CYP51A1: variants seen among roughly 807,000 people sequenced by gnomAD.
CYP51A1 encodes lanosterol 14-alpha demethylase.
In CYP51A1, 45 loss-of-function variants were observed where a neutral mutation model predicts 53.5. The observed-to-expected ratio is 0.84, with a 90% CI of 0.66 to 1.08. The LOEUF (loss-of-function observed/expected upper bound fraction) is 1.08, where lower values mean the gene tolerates loss of function less well. CYP51A1 is among the 50% of genes least tolerant of loss of function. CYP51A1 has a pLI of 0.00. For missense variants in CYP51A1, 462 were observed against 621.7 expected, an observed-to-expected ratio of 0.74 and a Z score of 2.73; for synonymous variants, 181 against 217.7, an observed-to-expected ratio of 0.83 and a Z score of 1.48.
At chr7:92,125,750 C>A (rs1819785706) in intron 5 of CYP51A1, among the ~76,000 whole-genome samples, 3 of 152,178 alleles carry the variant, frequency 2.0e-5, no homozygotes. Context: ...AATCCTAACA[C>A]TTTGGGAGGC....
At position 92,129,045 on chromosome 7, in the gene CYP51A1, T is replaced by C; in HGVS notation, c.303A>G (p.Val101=). 6.2e-7 allele frequency: 1 copy of C among 1,609,862 alleles called. No homozygotes were observed. Among genetic ancestry groups the C allele is most frequent in the South Asian group, 1.1e-5 (1 of 90,458 alleles). ...LENAYEKYGP[V]FSFTMVGKTF... ...TCTTGCCTACCATGGTAAAACTAAA[T>C]ACAGGTCCATACTAAAAAGAGAAAA... The change falls in exon 3 of 10, where the codon GTA becomes GTG. Residue 101 remains valine (V), a synonymous_variant. Coordinates refer to ENST00000003100, the MANE Select transcript of CYP51A1 (RefSeq NM_000786.4).
chr7:92,129,062 A>G lies in CYP51A1; in HGVS notation c.292-6T>C, dbSNP rs747626359. 46 of 1,602,008 alleles carry G rather than the reference A, an allele frequency of 2.9e-5. No homozygotes were observed. The highest frequency in any genetic ancestry group is 1.7e-4 in the Middle Eastern group (1 of 6,028). Reference sequence around the variant, plus strand: ...AAACTAAATACAGGTCCATACTAAAAAGAGAAAAGTACATATAGTGATGTT... The same window carrying G: ...AAACTAAATACAGGTCCATACTAAAGAGAGAAAAGTACATATAGTGATGTT... On this transcript the variant is annotated splice_polypyrimidine_tract_variant and splice_region_variant and intron_variant, in intron 2 of 9. Transcript: ENST00000003100.
In CYP51A1 at chr7:92,134,196, G is replaced by T; in HGVS notation, c.169C>A (p.Leu57Met). 6.2e-7 allele frequency: 1 copy of T among 1,612,408 alleles called. No homozygotes were observed. ...ACCACCCCTGCGGGCAGCTGGACCA[G>T]GTGGCCGGCGGCCAGACGGATCAGG... is the stretch of plus-strand genomic sequence containing the variant. Reference protein sequence around the residue: ...VYLIRLAAGHLVQLPAGVKSP... With the variant: ...VYLIRLAAGHMVQLPAGVKSP... Residue 57 changes from leucine to methionine, a missense_variant, in exon 1 of 10, where the codon CTG (leucine) becomes ATG (methionine). Physicochemically the swap from Leu to Met is conservative, Grantham distance 15 (BLOSUM62 2). Transcript: ENST00000003100.
At position 92,113,840 on chromosome 7, in the gene CYP51A1, C is replaced by T. The variant is rs528934873; in HGVS notation, c.1355G>A (p.Arg452His). 3.5e-5 allele frequency: 55 copies of T among 1,576,656 alleles called. No individual in the cohort carries two copies. In the East Asian group the frequency reaches 3.6e-4, roughly 10 times the overall value. ...KFAYVPFGAG[R>H]HRCIGENFAY... is the part of the protein sequence containing the mutation. ...AAAATTTTCCCCAATACAACGATGA[C>T]GCCCTAAAAAAAAGAAAAAGTTATA... is the stretch of plus-strand genomic sequence containing the variant. Residue 452 changes from arginine (R) to histidine (H), a missense_variant, in exon 10 of 10, where the codon CGT becomes CAT. Transcript: ENST00000003100.
At chr7:92,133,127 G>C (rs765928344) in intron 1 of CYP51A1, among the ~76,000 whole-genome samples, 26 of 152,142 alleles carry the variant, frequency 1.7e-4, no homozygotes, top group Non-Finnish European at 3.4e-4. Flanking sequence ...TTGGTCAAAA[G>C]TTTGTACATT....
rs750224776 is a variant in CYP51A1, at chr7:92,127,606, A to C, written c.494T>G (p.Leu165Ter). 12 of 1,613,542 alleles carry C rather than the reference A, an allele frequency of 7.4e-6. No individual in the cohort carries two copies. Among genetic ancestry groups the C allele is most frequent in the Admixed American group, 1.7e-5 (1 of 59,950 alleles). The change falls in exon 4 of 10, where the codon TTA becomes TGA. Residue 165 changes from leucine (L) to a stop codon, truncating the protein, a stop_gained. Transcript: ENST00000003100. LOFTEE classifies it high-confidence loss of function. ...NPVFLEQKKM[L>*]KSGLNIAHFK... ...GTGGGCTATGTTAAGGCCACTTTTTAACATTTTCTTCTGCTCCAAGAAAAC... is the reference window on the plus strand; with the variant it reads ...GTGGGCTATGTTAAGGCCACTTTTTCACATTTTCTTCTGCTCCAAGAAAAC...
intron 1 of CYP51A1, among the ~76,000 whole-genome samples, chr7:92,133,830 C>G (rs1467088001): frequency 1.3e-5 from 2 of 152,218 alleles, no homozygotes; most frequent in African/African-American, 4.8e-5. Flanking sequence ...GCCACCGCCA[C>G]TAGGGGCACC....
chr7:92,112,219 A>G lies in CYP51A1; in HGVS notation c.*1446T>C, dbSNP rs1412798079. 2.0e-5 allele frequency: 3 copies of G among 152,236 alleles called. No homozygotes were observed. Among genetic ancestry groups the G allele is most frequent in the African/African-American group, 2.4e-5 (1 of 41,470 alleles). The allele number at this position is 152,236 out of a possible 1,614,324, so 9.4% of individuals were successfully genotyped here. A position where few individuals can be genotyped will look rare whatever the true frequency, so the allele number is the denominator to read the frequency against. On this transcript the variant is annotated 3_prime_UTR_variant, in exon 10 of 10. Coordinates refer to ENST00000003100, the MANE Select transcript of CYP51A1 (RefSeq NM_000786.4). ...TCTGCCTTCACAATTAGAGTTTAACATGAGTCTTCCAGTGTTTTAAAAAGA... is the reference window on the plus strand; with the variant it reads ...TCTGCCTTCACAATTAGAGTTTAACGTGAGTCTTCCAGTGTTTTAAAAAGA...
At chr7:92,134,575 G>T, upstream of CYP51A1, 2 of 553,080 alleles carry the variant, frequency 3.6e-6, no homozygotes, top group Non-Finnish European at 3.2e-6. Context: ...ATAACACTCT[G>T]TGAAGCCGTG....
At chr7:92,134,056 T>G (rs1819986155) in intron 1 of CYP51A1, 117 bp downstream of exon 1, 1 of 956,978 alleles carries the variant, frequency 1.0e-6, no homozygotes, top group Admixed American at 3.1e-5. Flanking sequence ...ATGGCCGCAG[T>G]CGCCCCCGCC....
chr7:92,121,165 C>T (rs910034819), intron 7 of CYP51A1, among the ~76,000 whole-genome samples: 1 of 151,776 alleles, frequency 6.6e-6, no homozygotes, highest in African/African-American at 2.4e-5. Context: ...TGGTGTGTAC[C>T]CAGCTACTTG....
In CYP51A1 at chr7:92,113,406, TC is replaced by T. The variant is rs1819508443; in HGVS notation, c.*258del. 1 of 374,498 alleles carries T rather than the reference TC, an allele frequency of 2.7e-6. No individual in the cohort carries two copies. The highest frequency in any genetic ancestry group is 4.7e-6 in the Non-Finnish European group (1 of 210,764). 23.2% of individuals were successfully genotyped at this position (374,498 alleles called of 1,614,324 possible). On this transcript the variant is annotated 3_prime_UTR_variant, in exon 10 of 10. Transcript: ENST00000003100. ...ATTTAGAATCTGCCAATTACCTAGATCCCCCCTCAACAATTGTTTCACCAAG... is the reference window on the plus strand; with the variant it reads ...ATTTAGAATCTGCCAATTACCTAGATCCCCCTCAACAATTGTTTCACCAAG...
In CYP51A1 at chr7:92,112,828, C is replaced by CA. The variant is rs879010642; in HGVS notation, c.*836dup. On this transcript the variant is annotated 3_prime_UTR_variant, in exon 10 of 10. Coordinates refer to ENST00000003100, the MANE Select transcript of CYP51A1 (RefSeq NM_000786.4). ...TGGGCAACAGAGCGAGACTCCATCT[C>CA]AAAAAAAAAAAAAAAAAAAGGAAGC... 0.015 allele frequency: 705 copies of CA among 46,198 alleles called. 3 individuals carry two copies. The highest frequency in any genetic ancestry group is 0.026 in the Middle Eastern group (2 of 76). The allele number at this position is 46,198 out of a possible 1,614,324, so 2.9% of individuals were successfully genotyped here.
chr7:92,122,186 C>A lies in CYP51A1; in HGVS notation c.1086+934G>T, dbSNP rs188899744. On this transcript the variant is annotated intron_variant, in intron 7 of 9. Transcript: ENST00000003100. Reference sequence around the variant, plus strand: ...ATGGAATATCTGAATAAACCTGTAACAAATAAATTGAATTAGTAAGTAAAG... The same window carrying A: ...ATGGAATATCTGAATAAACCTGTAAAAAATAAATTGAATTAGTAAGTAAAG... Among the ~76,000 whole-genome samples the A allele has an allele frequency of 3.7e-3, 550 of 148,678 alleles. 5 individuals are homozygous for A. Among genetic ancestry groups the A allele is most frequent in the African/African-American group, 0.013 (525 of 38,954 alleles).
chr7:92,127,709 A>G, intron 3 of CYP51A1, 78 bp from the exon 4 acceptor site: 2 of 1,440,394 alleles, frequency 1.4e-6, no homozygotes, highest in Middle Eastern at 3.5e-4. Context: ...AGGTTATTAT[A>G]ATTATGTAAC....
chr7:92,119,786 T>C (rs1053047147), intron 7 of CYP51A1, among the ~76,000 whole-genome samples: 24 of 152,134 alleles, frequency 1.6e-4, no homozygotes, highest in Non-Finnish European at 3.4e-4. Flanking sequence ...AAACTATCCA[T>C]GAAGAAGCCC....
intron 7 of CYP51A1, among the ~76,000 whole-genome samples, chr7:92,121,985 GTTATT>G (rs909985635): frequency 1.3e-5 from 2 of 152,132 alleles, no homozygotes; most frequent in Non-Finnish European, 2.9e-5. Flanking sequence ...CAGTTAAGCT[GTTATT>G]TTAAGTTACT....
intron 2 of CYP51A1, among the ~76,000 whole-genome samples, chr7:92,131,360 T>C (rs916513389): frequency 1.3e-5 from 2 of 152,208 alleles, no homozygotes; most frequent in Admixed American, 6.5e-5. Flanking sequence ...ATTGAGTAGC[T>C]ATGGTGTCAT....
intron 8 of CYP51A1, among the ~76,000 whole-genome samples, chr7:92,117,790 T>C (rs1214293780): frequency 6.6e-6 from 1 of 151,932 alleles, no homozygotes; most frequent in African/African-American, 2.4e-5. Flanking sequence ...GAGTTCGAGA[T>C]CAGCCTGACC....
Sources: gnomAD v4.1 joint callset for allele counts (sites outside exome capture counted in the v4.1 genomes callset) on GRCh38, gnomAD v4.1.1 for gene constraint, MANE v1.5 for transcripts, NCBI Gene and HGNC (gene_info 2026-07-23, HGNC 2026-07-21) for gene names.